The following MAG variants were observed in gnomAD, a reference collection of about 807,000 sequenced individuals.
The protein encoded by MAG is myelin-associated glycoprotein.
In MAG, 30 loss-of-function variants were observed where a neutral mutation model predicts 60.7. The observed-to-expected ratio is 0.49, with a 90% CI of 0.37 to 0.67. The LOEUF (loss-of-function observed/expected upper bound fraction) is 0.67. Among genes scored for constraint, MAG ranks in the 30% least tolerant of loss-of-function variants. The pLI is 0.00. For synonymous variants in MAG, 384 were observed against 376.8 expected (o/e 1.02, Z -0.22); for missense variants, 795 against 851.7 (o/e 0.93, Z 0.83).
intron 1 of MAG, 59 bp from the exon 2 acceptor site, chr19:35,294,176 G>A (rs2066378939): frequency 1.3e-5 from 5 of 383,236 alleles, no homozygotes; most frequent in South Asian, 9.2e-5. Flanking sequence ...CTGAAGCGGG[G>A]GTGGGTTGGG....
intron 9 of MAG, 108 bp from the exon 10 acceptor site, chr19:35,311,810 C>A: frequency 1.4e-6 from 1 of 714,528 alleles, no homozygotes. Flanking sequence ...CTTGCCACAT[C>A]TTAGAGATGG....
Position 35,303,325 on chromosome 19 carries a change from G to A in MAG, c.1231+617G>A, listed in dbSNP as rs184987242. On this transcript the variant is annotated intron_variant, in intron 7 of 10. Coordinates refer to ENST00000392213, the MANE Select transcript of MAG (RefSeq NM_002361.4). ...TGATCTCTAACCTGTGTAGAGTGTC[G>A]CTATGTACCAGGCACTGTTGGAAGC... Among the ~76,000 whole-genome samples the A allele has an allele frequency of 3.7e-3, 565 of 152,276 alleles. 5 individuals are homozygous for A. Among genetic ancestry groups the A allele is most frequent in the Admixed American group, 0.014 (221 of 15,302 alleles).
Position 35,310,018 on chromosome 19 carries a change from A to G in MAG, c.1376A>G (p.Glu459Gly), listed in dbSNP as rs1473622223. ...RNVTVNESEREFVYSERSGLV... is the reference protein window; with the variant it reads ...RNVTVNESERGFVYSERSGLV... ...GTGACCGTGAACGAGAGCGAGCGGG[A>G]GTTCGTGTACTCGGAGCGCAGCGGC... Residue 459 changes from glutamate to glycine, a missense_variant, in exon 8 of 11, where the codon GAG (glutamate) becomes GGG (glycine). Glu to Gly is a moderately conservative substitution (Grantham distance 98). Coordinates refer to ENST00000392213, the MANE Select transcript of MAG (RefSeq NM_002361.4). 1 of 1,613,842 alleles carries G rather than the reference A, an allele frequency of 6.2e-7. No homozygotes were observed. Among genetic ancestry groups the G allele is most frequent in the East Asian group, 2.2e-5 (1 of 44,880 alleles).
intron 4 of MAG, among the ~76,000 whole-genome samples, chr19:35,298,276 A>T (rs1441574870): frequency 6.8e-6 from 1 of 147,004 alleles, no homozygotes; most frequent in Non-Finnish European, 1.5e-5. Context: ...CACAACACAC[A>T]CTACAAAAAC....
chr19:35,312,514 T>G, intron 10 of MAG: 3 of 366,844 alleles, frequency 8.2e-6, no homozygotes, highest in Non-Finnish European at 1.6e-5. Flanking sequence ...CCGTCCTGTG[T>G]GTCCAAATTC....
In MAG at chr19:35,295,320, T is replaced by G; in HGVS notation, c.-23-66T>G. ...GCTAACATATGAATGGGCCCCTTCC[T>G]GAAGCCCAGATGGAACACCCCCTTT... On this transcript the variant is annotated intron_variant, in intron 2 of 10. Transcript: ENST00000392213. This position sits in a 1 kb window ranked among gnomAD's most constrained non-coding sequence, Gnocchi z 5.8. 7.4e-7 allele frequency: 1 copy of G among 1,347,428 alleles called. No individual in the cohort carries two copies. The highest frequency in any genetic ancestry group is 2.3e-5 in the East Asian group (1 of 43,132). 83.5% of individuals were successfully genotyped at this position (1,347,428 alleles called of 1,614,324 possible). A position where few individuals can be genotyped will look rare whatever the true frequency, so the allele number is the denominator to read the frequency against.
intron 4 of MAG, among the ~76,000 whole-genome samples, chr19:35,296,386 A>C (rs1336895726): frequency 6.6e-6 from 1 of 152,184 alleles, no homozygotes; most frequent in Non-Finnish European, 1.5e-5. Context: ...ATGAGTGAAA[A>C]GCCATCAGAT....
chr19:35,313,204 G>A, intron 10 of MAG, 86 bp from the exon 11 acceptor site: 1 of 1,415,428 alleles, frequency 7.1e-7, no homozygotes, highest in Non-Finnish European at 9.5e-7. Flanking sequence ...CTGAACTCAG[G>A]AGCTCTGAGG....
In MAG at chr19:35,302,482, G is replaced by T; in HGVS notation, c.1005G>T (p.Met335Ile). ...GGAAGCCAACAGTGAACGGGACAAT[G>T]GTGGCCGTAGAGGGGGAGACGGTCT... ...APWKPTVNGT[M>I]VAVEGETVSI... is the part of the protein sequence containing the mutation. Residue 335 changes from methionine (M) to isoleucine (I), a missense_variant, in exon 7 of 11, where the codon ATG becomes ATT. Coordinates refer to ENST00000392213, the MANE Select transcript of MAG (RefSeq NM_002361.4). 6.2e-7 allele frequency: 1 copy of T among 1,614,196 alleles called. No individual in the cohort carries two copies. Among genetic ancestry groups the T allele is most frequent in the East Asian group, 2.2e-5 (1 of 44,878 alleles).
At chr19:35,311,783 T>G (rs1050125226) in intron 9 of MAG, 135 bp from the exon 10 acceptor site, 6 of 642,018 alleles carry the variant, frequency 9.3e-6, no homozygotes, top group Non-Finnish European at 2.9e-6. Context: ...GAGAGGCTGG[T>G]GGTTCTGAAA....
chr19:35,295,835 G>C lies in MAG; in HGVS notation c.269G>C (p.Arg90Pro). The change falls in exon 4 of 11, where the codon CGC becomes CCC. Residue 90 changes from arginine (R) to proline (P), a missense_variant. Arg to Pro is a moderately radical substitution (Grantham distance 103, BLOSUM62 -2). Coordinates refer to ENST00000392213, the MANE Select transcript of MAG (RefSeq NM_002361.4). The surrounding 1 kb of genome is among the most constrained non-coding windows in gnomAD (Gnocchi z 5.8). The stretch of plus-strand genomic sequence containing the variant: ...CACGAGAGCTTCCAGGGCCGCAGCC[G>C]CCTCCTGGGGGACCTGGGCCTGCGA... The part of the protein sequence containing the change: ...VVHESFQGRS[R>P]LLGDLGLRNC... The C allele has an allele frequency of 6.2e-7, 1 of 1,613,928 alleles. No homozygotes were observed. Among genetic ancestry groups the C allele is most frequent in the Non-Finnish European group, 8.5e-7 (1 of 1,180,032 alleles).
rs986211415 is a variant in MAG, at chr19:35,299,838, A to G, written c.700A>G (p.Met234Val). The G allele has an allele frequency of 7.3e-6, 10 of 1,377,756 alleles. No homozygotes were observed. The African/African-American group carries it at 1.1e-4, about 15-fold the overall frequency. 85.3% of individuals were successfully genotyped at this position (1,377,756 alleles called of 1,614,324 possible). Residue 234 changes from methionine to valine, a missense_variant, in exon 5 of 11, where the codon ATG becomes GTG. By Grantham distance (21) the Met-to-Val change is conservative. Transcript: ENST00000392213. ...CCTGCAGTTCGAGGGCTACGCCAGC[A>G]TGGACGTCAAGTGTGAGCCTGGGTG... ...TTLQFEGYAS[M>V]DVKYPPVIVE... is the part of the protein sequence containing the mutation.
chr19:35,310,524 G>A lies in MAG; in HGVS notation c.1520-23G>A, dbSNP rs200163072. 97 of 1,605,924 alleles carry A rather than the reference G, an allele frequency of 6.0e-5. No individual in the cohort carries two copies. The Middle Eastern group carries it at 8.3e-4, about 14-fold the overall frequency. ...CACCACCACCCATAGCCCTAAGGGC[G>A]CCTGGGTCTTTTCTGTCCTCAGATC... On this transcript the variant is annotated intron_variant, in intron 8 of 10. Coordinates refer to ENST00000392213, the MANE Select transcript of MAG (RefSeq NM_002361.4).
chr19:35,302,912 C>CTTT lies in MAG; in HGVS notation c.1231+224_1231+226dup, dbSNP rs869126086. Among the ~76,000 whole-genome samples the CTTT allele has an allele frequency of 7.4e-4, 74 of 99,802 alleles. 1 individual carries two copies. Among genetic ancestry groups the CTTT allele is most frequent in the East Asian group, 4.9e-3 (17 of 3,478 alleles). The allele number at this position is 99,802 out of a possible 152,430, so 65.5% of individuals were successfully genotyped here. On this transcript the variant is annotated intron_variant, in intron 7 of 10. Transcript: ENST00000392213. ...TTGTGTTCCCACATCCGGGAGTGGG[C>CTTT]TTTTTTTTTTTTTTTTTTTTTTGAG...
Position 35,295,780 on chromosome 19 carries a change from G to C in MAG, c.214G>C (p.Val72Leu). 1 of 1,614,004 alleles carries C rather than the reference G, an allele frequency of 6.2e-7. No individual in the cohort carries two copies. Among genetic ancestry groups the C allele is most frequent in the Non-Finnish European group, 8.5e-7 (1 of 1,180,018 alleles). Reference protein sequence around the residue: ...NSPYPKNYPPVVFKSRTQVVH... With the variant: ...NSPYPKNYPPLVFKSRTQVVH... ...CCCCTACCCCAAGAACTACCCCCCG[G>C]TGGTCTTCAAGTCGCGCACCCAAGT... is the stretch of plus-strand genomic sequence containing the variant. The change falls in exon 4 of 11, where the codon GTG becomes CTG. Residue 72 changes from valine to leucine, a missense_variant. By Grantham distance (32) the Val-to-Leu change is conservative (BLOSUM62 1). Transcript: ENST00000392213. The surrounding 1 kb of genome is among the most constrained non-coding windows in gnomAD (Gnocchi z 5.8).
At chr19:35,305,641 C>T (rs1357654777) in intron 7 of MAG, among the ~76,000 whole-genome samples, 1 of 152,088 alleles carries the variant, frequency 6.6e-6, no homozygotes, top group Non-Finnish European at 1.5e-5. Context: ...AGTATCTTAC[C>T]ACAAAGATGG....
intron 4 of MAG, among the ~76,000 whole-genome samples, chr19:35,296,333 T>C (rs1470977434): frequency 6.6e-6 from 1 of 152,172 alleles, no homozygotes; most frequent in African/African-American, 2.4e-5. Flanking sequence ...TGGGCCTTGG[T>C]TTTCTTTTCC....
Position 35,300,332 on chromosome 19 carries a change from G to A in MAG, c.898G>A (p.Asp300Asn), listed in dbSNP as rs1413947175. 2 of 1,599,130 alleles carry A rather than the reference G, an allele frequency of 1.3e-6. No individual in the cohort carries two copies. The highest frequency in any genetic ancestry group is 3.3e-5 in the Admixed American group (2 of 59,970). ...GCTGGAGGAGGTGACCCCCGCCGAA[G>A]ACGGCGTCTATGCCTGCCTGGCCGA... Reference protein sequence around the residue: ...LELEEVTPAEDGVYACLAENA... With the variant: ...LELEEVTPAENGVYACLAENA... The change falls in exon 6 of 11, where the codon GAC becomes AAC. Residue 300 changes from aspartate (D) to asparagine (N), a missense_variant. Physicochemically the swap from Asp to Asn is conservative, Grantham distance 23. Coordinates refer to ENST00000392213, the MANE Select transcript of MAG (RefSeq NM_002361.4).
chr19:35,313,040 A>C (rs192842145), intron 10 of MAG, among the ~76,000 whole-genome samples: 115 of 152,200 alleles, frequency 7.6e-4, no homozygotes, highest in Admixed American at 1.2e-3. Context: ...GAAGAAGAAG[A>C]AGCAGCTTCC....
Sources: gnomAD v4.1 joint callset for allele counts (sites outside exome capture counted in the v4.1 genomes callset) on GRCh38, gnomAD v4.1.1 for gene constraint, Gnocchi (gnomAD v3.1) non-coding constraint, MANE v1.5 for transcripts, NCBI Gene and HGNC (gene_info 2026-07-23, HGNC 2026-07-21) for gene names.